The following GALNT13 variants were observed in gnomAD, a reference collection of about 807,000 sequenced individuals.
The protein encoded by GALNT13 is UDP-GalNAc:polypeptide N-acetylgalactosaminyltransferase 13.
GALNT13 carries 28 observed loss-of-function variants against 64.2 expected under a neutral mutation model. The ratio of observed to expected loss-of-function variants is 0.44; its 90% CI spans 0.32 to 0.60. GALNT13 has a LOEUF of 0.60. Among genes scored for constraint, GALNT13 ranks in the 20% least tolerant of loss-of-function variants. The pLI, the probability that GALNT13 is intolerant of heterozygous loss-of-function variation, is 0.05. For missense variants in GALNT13, 577 were observed against 669.8 expected, an observed-to-expected ratio of 0.86 and a Z score of 1.53; for synonymous variants, 214 against 224.6, an observed-to-expected ratio of 0.95 and a Z score of 0.42.
chr2:153,158,426 C>A, the GALNT13 span, among the ~76,000 whole-genome samples: 1 of 152,022 alleles, frequency 6.6e-6, no homozygotes, highest in Non-Finnish European at 1.5e-5. Context: ...AATATTTTGT[C>A]ATTACAAAAA....
At chr2:153,301,172 A>G in the GALNT13 span, among the ~76,000 whole-genome samples, 5 of 151,884 alleles carry the variant, frequency 3.3e-5, no homozygotes, top group African/African-American at 4.8e-5. Context: ...CTCCAGCCTG[A>G]GCGACCGGAG....
chr2:154,062,259 GT>G (rs1241137759), intron 3 of GALNT13, among the ~76,000 whole-genome samples: 15 of 152,020 alleles, frequency 9.9e-5, no homozygotes, highest in Admixed American at 5.2e-4. Flanking sequence ...TTTTGGGAAT[GT>G]TTTTCATTAT....
the GALNT13 span, among the ~76,000 whole-genome samples, chr2:153,612,230 A>C: frequency 6.6e-6 from 1 of 152,090 alleles, no homozygotes; most frequent in Non-Finnish European, 1.5e-5. Flanking sequence ...AATGTTTTAC[A>C]CTGTTGATGG....
At chr2:153,261,439 G>T in the GALNT13 span, among the ~76,000 whole-genome samples, 2 of 152,178 alleles carry the variant, frequency 1.3e-5, no homozygotes, top group African/African-American at 4.8e-5. Flanking sequence ...TGCTCTTGCA[G>T]ACTTTTAGAG....
the GALNT13 span, among the ~76,000 whole-genome samples, chr2:153,645,627 T>C: frequency 6.6e-6 from 1 of 152,128 alleles, no homozygotes; most frequent in Non-Finnish European, 1.5e-5. Context: ...TATATTAAGA[T>C]GAACTTGGAT....
At chr2:154,034,902 C>A (rs1698566321) in intron 3 of GALNT13, among the ~76,000 whole-genome samples, 1 of 151,848 alleles carries the variant, frequency 6.6e-6, no homozygotes, top group Non-Finnish European at 1.5e-5. Flanking sequence ...ATTAAAAAGT[C>A]AAAAAATAAC....
the GALNT13 span, among the ~76,000 whole-genome samples, chr2:153,464,321 G>C: frequency 1.3e-5 from 2 of 152,062 alleles, no homozygotes; most frequent in Admixed American, 1.3e-4. Context: ...GGGGATGTAT[G>C]ACATGGATAA....
intron 9 of GALNT13, among the ~76,000 whole-genome samples, chr2:154,372,445 G>A (rs560492463): frequency 2.6e-5 from 4 of 152,004 alleles, no homozygotes; most frequent in Non-Finnish European, 5.9e-5. Flanking sequence ...TAAGAAATAA[G>A]TTTGCATTCA....
the GALNT13 span, among the ~76,000 whole-genome samples, chr2:153,810,120 C>G: frequency 5.9e-5 from 9 of 152,148 alleles, no homozygotes; most frequent in Admixed American, 5.2e-4. Context: ...GCCACCACGC[C>G]CAGCTAATTT....
chr2:153,778,029 G>A, the GALNT13 span, among the ~76,000 whole-genome samples: 968 of 152,286 alleles, frequency 6.4e-3, 8 homozygotes, highest in African/African-American at 0.021. Flanking sequence ...TTCCCTTGGA[G>A]TTGGGCCACT....
At chr2:154,335,310 A>G (rs1262912868) in intron 9 of GALNT13, among the ~76,000 whole-genome samples, 1 of 152,062 alleles carries the variant, frequency 6.6e-6, no homozygotes, top group East Asian at 1.9e-4. Flanking sequence ...TTATTGACAA[A>G]TGAGCAGAAC....
At chr2:153,114,614 CA>C in the GALNT13 span, among the ~76,000 whole-genome samples, 1 of 152,090 alleles carries the variant, frequency 6.6e-6, no homozygotes, top group African/African-American at 2.4e-5. Flanking sequence ...TTGCTTTTGA[CA>C]ACTCAGTGTA....
intron 9 of GALNT13, among the ~76,000 whole-genome samples, chr2:154,376,476 T>A (rs190411701): frequency 6.6e-6 from 1 of 152,268 alleles, no homozygotes; most frequent in African/African-American, 2.4e-5. Flanking sequence ...TTTAAAAGAA[T>A]GTAAGAATTA....
the GALNT13 span, among the ~76,000 whole-genome samples, chr2:153,866,554 A>C: frequency 2.0e-5 from 3 of 152,230 alleles, no homozygotes; most frequent in Non-Finnish European, 4.4e-5. Flanking sequence ...TTTATGGATA[A>C]TAAGATAAAC....
intron 3 of GALNT13, among the ~76,000 whole-genome samples, chr2:154,111,223 T>C (rs1259520284): frequency 6.6e-6 from 1 of 152,204 alleles, no homozygotes; most frequent in Admixed American, 6.5e-5. Context: ...TTTTTCCTGG[T>C]GGAGTGACCC....
chr2:153,604,325 G>T, the GALNT13 span, among the ~76,000 whole-genome samples: 1 of 152,106 alleles, frequency 6.6e-6, no homozygotes. Flanking sequence ...TAAATGGCAT[G>T]GTAATCACAG....
the GALNT13 span, among the ~76,000 whole-genome samples, chr2:153,309,903 A>G: frequency 6.6e-6 from 1 of 152,164 alleles, no homozygotes; most frequent in East Asian, 1.9e-4. Flanking sequence ...ATAGTTGTAC[A>G]TTCAGAATTT....
the GALNT13 span, among the ~76,000 whole-genome samples, chr2:153,747,099 A>G: frequency 6.6e-6 from 1 of 152,066 alleles, no homozygotes; most frequent in East Asian, 1.9e-4. Flanking sequence ...TAGTAGGTAT[A>G]TATATTTATG....
intron 3 of GALNT13, among the ~76,000 whole-genome samples, chr2:154,097,750 TCTC>T (rs1235123155): frequency 6.6e-6 from 1 of 152,052 alleles, no homozygotes. Flanking sequence ...ACTTTTCACT[TCTC>T]CTTAAGAAAC....
Sources: gnomAD v4.1 joint callset for allele counts (sites outside exome capture counted in the v4.1 genomes callset) on GRCh38, gnomAD v4.1.1 for gene constraint, MANE v1.5 for transcripts, NCBI Gene and HGNC (gene_info 2026-07-23, HGNC 2026-07-21) for gene names.